TBC1D22A: variants seen among roughly 807,000 people sequenced by gnomAD.
TBC1D22A encodes TBC1 domain family member 22A.
Under a neutral mutation model 60.2 loss-of-function variants are expected in TBC1D22A, and 38 were observed. The ratio of observed to expected loss-of-function variants is 0.63; its 90% confidence interval spans 0.49 to 0.83. TBC1D22A has a LOEUF of 0.83. Ranked by LOEUF, TBC1D22A falls within the 40% of genes least tolerant of loss-of-function variation. TBC1D22A has a pLI of 0.00. For synonymous variants in TBC1D22A, 302 were observed against 281.7 expected, an observed-to-expected ratio of 1.07 and a Z score of -0.72; for missense variants, 628 against 701.0, an observed-to-expected ratio of 0.90 and a Z score of 1.18.
intron 11 of TBC1D22A, among the ~76,000 whole-genome samples, chr22:47,040,657 C>T (rs988140751): frequency 6.6e-6 from 1 of 152,092 alleles, no homozygotes; most frequent in East Asian, 1.9e-4. Context: ...TGCAGGGCGG[C>T]GGCTGACTTG....
At chr22:47,124,072 G>T (rs766978764) in intron 12 of TBC1D22A, among the ~76,000 whole-genome samples, 6 of 152,176 alleles carry the variant, frequency 3.9e-5, no homozygotes, top group Non-Finnish European at 8.8e-5. Flanking sequence ...CTTACTGCCG[G>T]ATTAGGCCTC....
chr22:46,833,435 G>A (rs1269461360), intron 4 of TBC1D22A, among the ~76,000 whole-genome samples: 1 of 152,298 alleles, frequency 6.6e-6, no homozygotes, highest in East Asian at 1.9e-4. Context: ...ATGGCCGGCC[G>A]GCTCCTTGCA....
At chr22:47,049,665 C>T (rs533497652) in intron 11 of TBC1D22A, among the ~76,000 whole-genome samples, 7 of 152,128 alleles carry the variant, frequency 4.6e-5, no homozygotes, top group Non-Finnish European at 1.0e-4. Flanking sequence ...TCAAATAGTA[C>T]ATAAATTTCT....
At chr22:46,807,647 G>C (rs961140571) in intron 4 of TBC1D22A, among the ~76,000 whole-genome samples, 3 of 152,204 alleles carry the variant, frequency 2.0e-5, no homozygotes, top group Non-Finnish European at 4.4e-5. Context: ...CAGGATTCCT[G>C]TGATTCCCAT....
intron 5 of TBC1D22A, among the ~76,000 whole-genome samples, chr22:46,884,257 C>G (rs1018904596): frequency 1.4e-4 from 22 of 152,006 alleles, no homozygotes; most frequent in Non-Finnish European, 2.9e-5. Context: ...AGGTGGGTAG[C>G]GGTCAGGGTG....
intron 12 of TBC1D22A, among the ~76,000 whole-genome samples, chr22:47,135,825 G>A (rs2066846140): frequency 1.3e-5 from 2 of 152,356 alleles, no homozygotes; most frequent in Admixed American, 6.5e-5. Context: ...CTGAGCACGC[G>A]CCACGTGCCA....
At chr22:47,150,671 G>A (rs574385984) in intron 12 of TBC1D22A, among the ~76,000 whole-genome samples, 1 of 152,322 alleles carries the variant, frequency 6.6e-6, no homozygotes, top group South Asian at 2.1e-4. Flanking sequence ...CAAGAGCCTG[G>A]CATGGGCTGG....
At chr22:46,874,370 A>G (rs2067436088) in intron 4 of TBC1D22A, among the ~76,000 whole-genome samples, 1 of 152,060 alleles carries the variant, frequency 6.6e-6, no homozygotes, top group South Asian at 2.1e-4. Flanking sequence ...ACTGTCTTCC[A>G]TGATGTTTGA....
rs907554743 is a variant in TBC1D22A at position 47,028,578 on chromosome 22, C to T, written c.1202-8493C>T. Among the ~76,000 whole-genome samples, 1 of 152,074 alleles carries T rather than the reference C, an allele frequency of 6.6e-6. No homozygotes were observed. The highest frequency in any genetic ancestry group is 1.9e-4 in the East Asian group (1 of 5,178). On this transcript the variant is annotated intron_variant, in intron 10 of 12. Transcript: ENST00000337137. The surrounding 1 kb of genome is among the most constrained non-coding windows in gnomAD (Gnocchi z 4.4). ...CCTGTCCCTCGGTCCCTGTCCCCCA[C>T]GGCCCAGGAATGAATCTGGTATGAC...
intron 8 of TBC1D22A, among the ~76,000 whole-genome samples, chr22:46,932,162 T>G (rs535352910): frequency 6.6e-6 from 1 of 152,356 alleles, no homozygotes; most frequent in Non-Finnish European, 1.5e-5. Flanking sequence ...AGTGGCGGGT[T>G]CACCGTGTCA....
At chr22:46,984,061 T>A (rs992748521) in intron 9 of TBC1D22A, among the ~76,000 whole-genome samples, 2 of 151,938 alleles carry the variant, frequency 1.3e-5, no homozygotes, top group African/African-American at 4.8e-5. Flanking sequence ...TTAAACTTGG[T>A]ATCCAGTGAG....
chr22:46,941,802 TATATATAGAATATATATAGA>T (rs1329750216), intron 8 of TBC1D22A, among the ~76,000 whole-genome samples: 39 of 138,262 alleles, frequency 2.8e-4, no homozygotes, highest in African/African-American at 1.1e-3. Context: ...ATATATAGAA[TATATATAGAATATATATAGA>T]ATATATAGAA....
At chr22:46,964,257 G>T (rs1055179995) in intron 8 of TBC1D22A, among the ~76,000 whole-genome samples, 2 of 152,166 alleles carry the variant, frequency 1.3e-5, no homozygotes, top group Non-Finnish European at 2.9e-5. Flanking sequence ...AATGATATAG[G>T]TATCTGTCAC....
chr22:46,826,099 T>C (rs1306884714), intron 4 of TBC1D22A, among the ~76,000 whole-genome samples: 1 of 152,078 alleles, frequency 6.6e-6, no homozygotes, highest in East Asian at 1.9e-4. Flanking sequence ...GCCATGATGG[T>C]CTCGATCTCC....
intron 4 of TBC1D22A, among the ~76,000 whole-genome samples, chr22:46,840,605 CG>C (rs1251652837): frequency 6.6e-6 from 1 of 151,990 alleles, no homozygotes; most frequent in Non-Finnish European, 1.5e-5. Context: ...TGGTAGTGTG[CG>C]CCTGTAGTCC....
intron 11 of TBC1D22A, 72 bp downstream of exon 11, chr22:47,037,270 T>G: frequency 1.3e-6 from 2 of 1,583,404 alleles, no homozygotes; most frequent in Non-Finnish European, 8.6e-7. Flanking sequence ...CCTTCTGCCC[T>G]GGGCCTGTGT....
intron 1 of TBC1D22A, among the ~76,000 whole-genome samples, chr22:46,775,046 G>A (rs1345602741): frequency 6.6e-6 from 1 of 152,230 alleles, no homozygotes; most frequent in African/African-American, 2.4e-5. Flanking sequence ...TCACCTAGAT[G>A]AGGCGAGTGA....
At chr22:46,871,900 C>A (rs941920767) in intron 4 of TBC1D22A, among the ~76,000 whole-genome samples, 1 of 151,540 alleles carries the variant, frequency 6.6e-6, no homozygotes, top group Non-Finnish European at 1.5e-5. Context: ...TTGAAGAGAC[C>A]CTTGAAAAAC....
At chr22:46,904,474 A>AT (rs34401577) in intron 7 of TBC1D22A, among the ~76,000 whole-genome samples, 40 of 146,908 alleles carry the variant, frequency 2.7e-4, no homozygotes, top group Non-Finnish European at 3.9e-4. Flanking sequence ...TGAAAAACGA[A>AT]TTTTTTTTTT....
Sources: gnomAD v4.1 joint callset for allele counts (sites outside exome capture counted in the v4.1 genomes callset) on GRCh38, gnomAD v4.1.1 for gene constraint, Gnocchi (gnomAD v3.1) non-coding constraint, MANE v1.5 for transcripts, NCBI Gene and HGNC (gene_info 2026-07-23, HGNC 2026-07-21) for gene names.